The following METTL21A variants were observed in gnomAD, a reference collection of about 807,000 sequenced individuals.
METTL21A encodes the protein protein N-lysine methyltransferase METTL21A.
A neutral mutation model predicts 20.9 loss-of-function variants in METTL21A; 22 were observed. That is an observed-to-expected ratio of 1.05 (90% CI 0.75 to 1.50). The LOEUF (loss-of-function observed/expected upper bound fraction) is 1.50, where lower values mean the gene tolerates loss of function less well. Among genes scored for constraint, METTL21A ranks in the 40% most tolerant of loss-of-function variants. The pLI, the probability that METTL21A is intolerant of heterozygous loss-of-function variation, is 0.00. For missense variants in METTL21A, 271 were observed against 266.8 expected, an observed-to-expected ratio of 1.02 and a Z score of -0.11; for synonymous variants, 93 against 102.0, an observed-to-expected ratio of 0.91 and a Z score of 0.53.
intron 3 of METTL21A, chr2:207,603,065 C>CT (rs2087364886): frequency 4.7e-6 from 1 of 211,934 alleles, no homozygotes; most frequent in East Asian, 7.2e-5. Flanking sequence ...ATTTTTAACT[C>CT]TGATGTTTCT....
chr2:207,625,559 G>C (rs1024631748), upstream of METTL21A: 3 of 152,384 alleles, frequency 2.0e-5, no homozygotes, highest in Admixed American at 2.0e-4. Flanking sequence ...CCCCGCCGCC[G>C]AGGGAGGCGC....
At position 207,603,064 on chromosome 2, in the gene METTL21A, T is replaced by G. The variant is rs746516438; in HGVS notation, c.259+18742A>C. ...ACAAAACAGGGTATTGATTTTTAAC[T>G]CTGATGTTTCTATTGGAGTTGAATA... is the stretch of plus-strand genomic sequence containing the variant. On this transcript the variant is annotated intron_variant, in intron 3 of 3. Transcript: ENST00000425132. The G allele has an allele frequency of 2.4e-4, 51 of 211,886 alleles. 1 individual carries two copies. Among genetic ancestry groups the G allele is most frequent in the Non-Finnish European group, 4.0e-4 (42 of 104,776 alleles). 13.1% of individuals were successfully genotyped at this position (211,886 alleles called of 1,614,324 possible). A position where few individuals can be genotyped will look rare whatever the true frequency, so the allele number is the denominator to read the frequency against.
At chr2:207,583,863 A>G (rs934479167) in intron 3 of METTL21A, among the ~76,000 whole-genome samples, 2 of 152,190 alleles carry the variant, frequency 1.3e-5, no homozygotes, top group African/African-American at 4.8e-5. Context: ...CTGAAAACCA[A>G]TGAACTGTTT....
At chr2:207,593,779 C>A (rs989098378) in intron 3 of METTL21A, among the ~76,000 whole-genome samples, 1 of 145,772 alleles carries the variant, frequency 6.9e-6, no homozygotes, top group Non-Finnish European at 1.5e-5. Flanking sequence ...AGTGCAGTGG[C>A]GCTATCTTGG....
chr2:207,591,208 C>A (rs537481604), intron 3 of METTL21A, among the ~76,000 whole-genome samples: 20 of 152,202 alleles, frequency 1.3e-4, no homozygotes, highest in African/African-American at 4.8e-4. Context: ...TCATCACTGA[C>A]AGGAGAGTGT....
intron 3 of METTL21A, chr2:207,602,979 T>C (rs528447298): frequency 4.7e-6 from 1 of 214,332 alleles, no homozygotes; most frequent in East Asian, 6.9e-5. Context: ...CCTAGAAAGG[T>C]GTTTGGCTTT....
chr2:207,613,427 G>A (rs141776776), exon 4 of METTL21A: 1 of 1,596,070 alleles, frequency 6.3e-7, no homozygotes, highest in East Asian at 2.2e-5. Flanking sequence ...TTCGATCCGT[G>A]ATAGTCACAT....
intron 3 of METTL21A, among the ~76,000 whole-genome samples, chr2:207,595,529 C>T (rs1025376716): frequency 1.3e-5 from 2 of 151,874 alleles, no homozygotes; most frequent in Non-Finnish European, 2.9e-5. Context: ...CCAACCTCAG[C>T]TTCCTGAGTA....
chr2:207,593,940 A>G (rs2085595608), intron 3 of METTL21A, among the ~76,000 whole-genome samples: 1 of 152,106 alleles, frequency 6.6e-6, no homozygotes, highest in African/African-American at 2.4e-5. Context: ...GCTGGTCTCA[A>G]ACTCCTGGCC....
At chr2:207,599,263 T>C (rs1575056840) in intron 3 of METTL21A, 1 of 204,076 alleles carries the variant, frequency 4.9e-6, no homozygotes, top group Admixed American at 6.0e-5. Flanking sequence ...ATGTCATTTT[T>C]AAAAACTGGT....
intron 3 of METTL21A, among the ~76,000 whole-genome samples, chr2:207,618,070 T>C (rs1288053753): frequency 6.6e-6 from 1 of 152,226 alleles, no homozygotes; most frequent in Admixed American, 6.5e-5. Context: ...TAAGTTCAGC[T>C]GAGATTTGCA....
intron 3 of METTL21A, among the ~76,000 whole-genome samples, chr2:207,583,953 G>C (rs778452088): frequency 6.6e-6 from 1 of 152,068 alleles, no homozygotes; most frequent in Non-Finnish European, 1.5e-5. Context: ...TTTAGATCTG[G>C]TTCCTTCATC....
At chr2:207,581,308 T>G, downstream of METTL21A, 1 of 197,434 alleles carries the variant, frequency 5.1e-6, no homozygotes. Context: ...AAAATGTATT[T>G]GATATGAATT....
chr2:207,601,770 G>A (rs939576948), intron 3 of METTL21A: 6 of 218,288 alleles, frequency 2.7e-5, no homozygotes, highest in Non-Finnish European at 5.5e-5. Flanking sequence ...TGAGGAAGGA[G>A]AAAGTAAAGT....
chr2:207,609,011 A>T (rs1182966704), downstream of METTL21A: 1 of 152,184 alleles, frequency 6.6e-6, no homozygotes, highest in Non-Finnish European at 1.5e-5. Flanking sequence ...AATCTTTCAT[A>T]TTCATGGTGC....
intron 3 of METTL21A, among the ~76,000 whole-genome samples, chr2:207,586,939 A>G (rs932547376): frequency 6.6e-6 from 1 of 152,254 alleles, no homozygotes; most frequent in Non-Finnish European, 1.5e-5. Flanking sequence ...GTTAGGAAGT[A>G]TCATTAGTTA....
At chr2:207,613,919 T>A (rs2089331219) in intron 3 of METTL21A, among the ~76,000 whole-genome samples, 1 of 152,098 alleles carries the variant, frequency 6.6e-6, no homozygotes, top group South Asian at 2.1e-4. Flanking sequence ...TGCAGTGAGC[T>A]GAGATCTCGC....
downstream of METTL21A, chr2:207,580,688 AAAAG>A: frequency 4.5e-6 from 1 of 221,710 alleles, no homozygotes. Flanking sequence ...TAAACATTCT[AAAAG>A]AAAGTGTAGA....
intron 3 of METTL21A, among the ~76,000 whole-genome samples, chr2:207,596,563 A>G (rs2086206920): frequency 6.6e-6 from 1 of 152,188 alleles, no homozygotes; most frequent in South Asian, 2.1e-4. Context: ...CCTTCCAAGT[A>G]GCTGGGACTA....
Sources: gnomAD v4.1 joint callset for allele counts (sites outside exome capture counted in the v4.1 genomes callset) on GRCh38, gnomAD v4.1.1 for gene constraint, MANE v1.5 for transcripts, NCBI Gene and HGNC (gene_info 2026-07-23, HGNC 2026-07-21) for gene names.